The following NBEA variants were observed in gnomAD, a reference collection of about 807,000 sequenced individuals.
NBEA encodes the protein neurobeachin.
Under a neutral mutation model 343.4 loss-of-function variants are expected in NBEA, and 44 were observed. The observed-to-expected ratio is 0.13, with a 90% confidence interval of 0.10 to 0.16. NBEA has a LOEUF of 0.16. Among genes scored for constraint, NBEA ranks in the 10% least tolerant of loss-of-function variants. The probability of loss-of-function intolerance (pLI) is 1.00; values close to 1 mark genes in which losing one functional copy is unlikely to be tolerated. For missense variants in NBEA, 2,555 were observed against 3,631.3 expected (o/e 0.70, Z 7.62); for synonymous variants, 1,175 against 1,238.7 (o/e 0.95, Z 1.08).
At chr13:35,385,720 A>T (rs1369722993) in intron 38 of NBEA, among the ~76,000 whole-genome samples, 1 of 152,164 alleles carries the variant, frequency 6.6e-6, no homozygotes, top group African/African-American at 2.4e-5. Context: ...AATAATAAAA[A>T]AATAAAAATA....
At chr13:35,590,703 C>A (rs1359170742) in intron 46 of NBEA, among the ~76,000 whole-genome samples, 2 of 152,016 alleles carry the variant, frequency 1.3e-5, no homozygotes, top group Non-Finnish European at 2.9e-5. Flanking sequence ...TAGAGACAAG[C>A]CTGATCCCTC....
At chr13:35,589,055 T>G (rs1425123780) in intron 46 of NBEA, among the ~76,000 whole-genome samples, 3 of 152,126 alleles carry the variant, frequency 2.0e-5, no homozygotes, top group African/African-American at 7.2e-5. Flanking sequence ...TGCTACTGAA[T>G]AAAATATTGT....
At chr13:35,108,850 A>G (rs533185880) in intron 11 of NBEA, among the ~76,000 whole-genome samples, 2 of 152,256 alleles carry the variant, frequency 1.3e-5, no homozygotes, top group South Asian at 4.1e-4. Context: ...TAGAGTATTT[A>G]TGGAGAAGAG....
In NBEA at chr13:35,196,161, A is replaced by C; in HGVS notation, c.5225A>C (p.Asn1742Thr). The change falls in exon 31 of 59, where the codon AAT (asparagine) becomes ACT (threonine). Residue 1742 changes from asparagine to threonine, a missense_variant. Physicochemically the swap from Asn to Thr is moderately conservative, Grantham distance 65 (BLOSUM62 0). Around this residue, in one of 21 missense-constraint regions of NBEA, gnomAD observed 270 missense variants for 293.3 expected, o/e 0.92. Transcript: ENST00000379939. ...ISSISQTKGI[N>T]VKEILKSLVA... ...AGCATTAGTCAAACCAAAGGCATCA[A>C]TGTGAAGGAAATACTGAAAAGTCTT... is the stretch of plus-strand genomic sequence containing the variant. The C allele has an allele frequency of 1.2e-6, 2 of 1,613,696 alleles. No homozygotes were observed. The highest frequency in any genetic ancestry group is 1.7e-6 in the Non-Finnish European group (2 of 1,179,732).
intron 35 of NBEA, among the ~76,000 whole-genome samples, chr13:35,303,100 AG>A (rs2036660653): frequency 6.6e-6 from 1 of 152,210 alleles, no homozygotes; most frequent in African/African-American, 2.4e-5. Flanking sequence ...AATTTCCTGC[AG>A]GGCACAGAGG....
At chr13:35,195,424 G>A (rs2072514620) in intron 30 of NBEA, among the ~76,000 whole-genome samples, 1 of 151,648 alleles carries the variant, frequency 6.6e-6, no homozygotes, top group Admixed American at 6.6e-5. Flanking sequence ...TTGAGATGGA[G>A]TTTTGCTCTT....
At chr13:35,080,682 T>C (rs2064346973) in intron 10 of NBEA, among the ~76,000 whole-genome samples, 1 of 152,162 alleles carries the variant, frequency 6.6e-6, no homozygotes. Flanking sequence ...ACATCTTTAA[T>C]ATAGTTGAAG....
chr13:35,328,915 A>G (rs1484576275), intron 36 of NBEA, among the ~76,000 whole-genome samples: 1 of 151,906 alleles, frequency 6.6e-6, no homozygotes, highest in Non-Finnish European at 1.5e-5. Context: ...TTATTCTAAA[A>G]CTACAATAAT....
chr13:35,554,226 G>C (rs2079476461), intron 43 of NBEA, among the ~76,000 whole-genome samples: 2 of 152,112 alleles, frequency 1.3e-5, no homozygotes, highest in Admixed American at 1.3e-4. Context: ...TATTTCTCTT[G>C]GTCAAGGAGC....
chr13:35,046,331 C>T (rs1225046701), intron 4 of NBEA, among the ~76,000 whole-genome samples: 1 of 152,042 alleles, frequency 6.6e-6, no homozygotes, highest in South Asian at 2.1e-4. Context: ...TGGTAACTGC[C>T]TGTTTACTTT....
chr13:35,143,476 T>G (rs1258531148), intron 18 of NBEA, among the ~76,000 whole-genome samples: 1 of 152,178 alleles, frequency 6.6e-6, no homozygotes, highest in Non-Finnish European at 1.5e-5. Context: ...CAGCAGAGTG[T>G]AGATTATTTT....
chr13:35,248,557 C>T (rs1170939241), intron 34 of NBEA, among the ~76,000 whole-genome samples: 1 of 152,024 alleles, frequency 6.6e-6, no homozygotes, highest in Admixed American at 6.6e-5. Flanking sequence ...ACATAGTAGA[C>T]CAACGGAATA....
chr13:35,082,253 T>G (rs1398299530), intron 10 of NBEA, among the ~76,000 whole-genome samples: 1 of 152,188 alleles, frequency 6.6e-6, no homozygotes, highest in South Asian at 2.1e-4. Flanking sequence ...GAACTCATTA[T>G]TTTTTATGGC....
intron 1 of NBEA, among the ~76,000 whole-genome samples, chr13:34,969,459 G>A (rs938989879): frequency 2.6e-5 from 4 of 151,520 alleles, no homozygotes; most frequent in African/African-American, 9.7e-5. Flanking sequence ...TTTTTACATA[G>A]GTAAATATGT....
At chr13:35,087,751 T>C (rs1419402311) in intron 10 of NBEA, among the ~76,000 whole-genome samples, 1 of 151,870 alleles carries the variant, frequency 6.6e-6, no homozygotes, top group Admixed American at 6.6e-5. Flanking sequence ...CTTTAGACAA[T>C]TTCAGACACT....
chr13:35,510,058 C>T (rs2077217537), intron 41 of NBEA, among the ~76,000 whole-genome samples: 1 of 152,114 alleles, frequency 6.6e-6, no homozygotes, highest in Non-Finnish European at 1.5e-5. Flanking sequence ...CTTATAGCCA[C>T]TAACTGTTTA....
chr13:34,951,674 G>A (rs1430813115), intron 1 of NBEA, among the ~76,000 whole-genome samples: 1 of 152,162 alleles, frequency 6.6e-6, no homozygotes, highest in Admixed American at 6.6e-5. Flanking sequence ...TACTTTGCAT[G>A]AGGAGGGTGA....
At chr13:35,087,970 G>A (rs1000929455) in intron 10 of NBEA, among the ~76,000 whole-genome samples, 5 of 151,724 alleles carry the variant, frequency 3.3e-5, no homozygotes, top group South Asian at 2.1e-4. Flanking sequence ...GTTGGTACGG[G>A]GCACCAATAG....
At chr13:34,991,680 CAT>C (rs975572370) in intron 1 of NBEA, among the ~76,000 whole-genome samples, 1 of 152,102 alleles carries the variant, frequency 6.6e-6, no homozygotes, top group African/African-American at 2.4e-5. Context: ...TTCAAGCAGT[CAT>C]ATGTATTTTA....
Sources: gnomAD v4.1 joint callset for allele counts (sites outside exome capture counted in the v4.1 genomes callset) on GRCh38, gnomAD v4.1.1 for gene constraint, gnomAD v4.1.1 regional missense constraint, MANE v1.5 for transcripts, NCBI Gene and HGNC (gene_info 2026-07-23, HGNC 2026-07-21) for gene names.